ADORA2A: variants seen among roughly 807,000 people sequenced by gnomAD.
ADORA2A encodes the protein adenosine A2a receptor.
A neutral mutation model predicts 18.4 loss-of-function variants in ADORA2A; 11 were observed. That is an observed-to-expected ratio of 0.60 (90% CI 0.38 to 0.99). The LOEUF is 0.99. Among genes scored for constraint, ADORA2A ranks in the 50% least tolerant of loss-of-function variants. ADORA2A has a pLI of 0.01. For missense variants in ADORA2A, 449 were observed against 556.1 expected, an observed-to-expected ratio of 0.81 and a Z score of 1.94; for synonymous variants, 218 against 237.3, an observed-to-expected ratio of 0.92 and a Z score of 0.75.
upstream of ADORA2A, among the ~76,000 whole-genome samples, chr22:24,424,126 G>T (rs113892861): frequency 0.076 from 11,470 of 151,888 alleles, 521 homozygotes; most frequent in South Asian, 0.14. The surrounding 1 kb of genome is among the most constrained non-coding windows in gnomAD (Gnocchi z 4.9). Context: ...CTTTCCCGCC[G>T]CCCCGAGACC....
intron 2 of ADORA2A, among the ~76,000 whole-genome samples, chr22:24,437,588 C>T (rs2043211147): frequency 6.6e-6 from 1 of 152,016 alleles, no homozygotes; most frequent in African/African-American, 2.4e-5. Context: ...TAAAAAGGAA[C>T]AAAAGAGTAT....
intron 1 of ADORA2A, chr22:24,431,980 G>A (rs1286790959): frequency 1.8e-5 from 3 of 163,512 alleles, no homozygotes; most frequent in Admixed American, 1.7e-4. Flanking sequence ...GTATCAATGA[G>A]GAAACTGAGG....
At chr22:24,440,429 CG>C (rs1318110023) in intron 2 of ADORA2A, among the ~76,000 whole-genome samples, 153 bp from the exon 3 acceptor site, 3 of 152,194 alleles carry the variant, frequency 2.0e-5, no homozygotes, top group African/African-American at 7.2e-5. Context: ...TTCCACTTAA[CG>C]GAAGAGGATG....
chr22:24,436,177 G>C (rs577736088), intron 2 of ADORA2A, among the ~76,000 whole-genome samples: 26 of 152,328 alleles, frequency 1.7e-4, no homozygotes, highest in African/African-American at 6.0e-4. Context: ...TGGGCCTCTG[G>C]GCATGTGGAG....
chr22:24,426,804 G>C (rs775264981), upstream of ADORA2A, among the ~76,000 whole-genome samples: 11 of 152,146 alleles, frequency 7.2e-5, no homozygotes, highest in Non-Finnish European at 1.6e-4. Context: ...CAGGACCCTG[G>C]CTTCGGGCAT....
chr22:24,425,619 G>A (rs1162665459), upstream of ADORA2A, among the ~76,000 whole-genome samples: 2 of 152,356 alleles, frequency 1.3e-5, no homozygotes. Context: ...GCGGGCCTTA[G>A]GCCAAGGCTG....
At chr22:24,435,774 A>C (rs904433665) in intron 2 of ADORA2A, among the ~76,000 whole-genome samples, 2 of 152,076 alleles carry the variant, frequency 1.3e-5, no homozygotes, top group African/African-American at 4.8e-5. Context: ...CCTGCCCCCT[A>C]TCCTCTACCC....
intron 2 of ADORA2A, among the ~76,000 whole-genome samples, chr22:24,434,164 G>A (rs1478349904): frequency 6.6e-6 from 1 of 152,284 alleles, no homozygotes; most frequent in African/African-American, 2.4e-5. Context: ...GGAGCCAGGG[G>A]AAACCATAGG....
upstream of ADORA2A, among the ~76,000 whole-genome samples, chr22:24,425,833 G>T (rs968974015): frequency 1.3e-5 from 2 of 152,242 alleles, no homozygotes; most frequent in African/African-American, 2.4e-5. Context: ...GCAGGTTGCT[G>T]TCCCGGGGAA....
rs768616769 is a variant in ADORA2A, at chr22:24,433,709, G to A, written c.305G>A (p.Arg102His). The A allele has an allele frequency of 3.1e-6, 5 of 1,608,828 alleles. No homozygotes were observed. In the African/African-American group the frequency reaches 5.3e-5, roughly 17 times the overall value. ...IFSLLAIAID[R>H]YIAIRIPLRY... ...AGTCTCCTGGCCATCGCCATTGACC[G>A]CTACATTGCCATCCGCATCCCGCTC... The change falls in exon 2 of 3, where the codon CGC (arginine) becomes CAC (histidine). Residue 102 changes from arginine (R) to histidine (H), a missense_variant. Transcript: ENST00000337539.
intron 1 of ADORA2A, among the ~76,000 whole-genome samples, chr22:24,431,967 A>G (rs574273826): frequency 3.3e-5 from 5 of 152,146 alleles, no homozygotes; most frequent in Non-Finnish European, 7.4e-5. Context: ...CAGCTGCCTC[A>G]CCGTATCAAT....
intron 2 of ADORA2A, among the ~76,000 whole-genome samples, chr22:24,435,663 G>A (rs1197135539): frequency 1.3e-5 from 2 of 152,146 alleles, no homozygotes; most frequent in African/African-American, 4.8e-5. Context: ...TCACAAAGGT[G>A]TTCTGAAGGT....
intron 2 of ADORA2A, 117 bp from the exon 3 acceptor site, chr22:24,440,466 T>C (rs1210885259): frequency 3.9e-6 from 4 of 1,015,502 alleles, no homozygotes; most frequent in Non-Finnish European, 5.7e-6. Context: ...AGGAAATGAC[T>C]GGTCCAAGAC....
At chr22:24,434,745 GC>G (rs1287466583) in intron 2 of ADORA2A, among the ~76,000 whole-genome samples, 3 of 152,344 alleles carry the variant, frequency 2.0e-5, no homozygotes, top group Non-Finnish European at 4.4e-5. Context: ...GGTTGAGGGT[GC>G]CCCAGCAGGA....
chr22:24,428,489 A>G (rs1283077410), intron 1 of ADORA2A, among the ~76,000 whole-genome samples: 1 of 152,056 alleles, frequency 6.6e-6, no homozygotes, highest in East Asian at 1.9e-4. Context: ...TTTCTTGTTC[A>G]TATCCACCTG....
intron 1 of ADORA2A, chr22:24,429,256 G>A (rs939004477): frequency 6.6e-6 from 1 of 152,328 alleles, no homozygotes; most frequent in Admixed American, 6.5e-5. Context: ...GGGAGGTGAG[G>A]AGGAAGGCAG....
At chr22:24,439,478 C>T (rs978047168) in intron 2 of ADORA2A, 5 of 152,154 alleles carry the variant, frequency 3.3e-5, no homozygotes, top group African/African-American at 1.2e-4. Context: ...CGGTAGGAAA[C>T]TTCTTTGAGA....
At chr22:24,431,888 ATC>A (rs879484399) in intron 1 of ADORA2A, among the ~76,000 whole-genome samples, 64 of 152,250 alleles carry the variant, frequency 4.2e-4, no homozygotes, top group Non-Finnish European at 7.2e-4. Flanking sequence ...GCCATTTTAA[ATC>A]TGTTTATTTC....
At chr22:24,434,148 G>C (rs370144204) in intron 2 of ADORA2A, among the ~76,000 whole-genome samples, 1 of 152,336 alleles carries the variant, frequency 6.6e-6, no homozygotes, top group South Asian at 2.1e-4. Flanking sequence ...TGCTGGGGTG[G>C]AGTGGGGAGC....
Sources: allele counts gnomAD v4.1 joint callset (sites outside exome capture counted in the v4.1 genomes callset), GRCh38; gene constraint gnomAD v4.1.1; non-coding constraint Gnocchi (gnomAD v3.1); transcripts MANE v1.5; gene names NCBI Gene and HGNC (gene_info 2026-07-23, HGNC 2026-07-21).